UVSSA: variants seen among roughly 807,000 people sequenced by gnomAD.
The protein encoded by UVSSA is UV-stimulated scaffold protein A.
UVSSA carries 72 observed loss-of-function variants against 73.9 expected under a neutral mutation model. The observed-to-expected ratio is 0.97, with a 90% confidence interval of 0.81 to 1.19. UVSSA has a LOEUF of 1.19. Ranked by LOEUF, UVSSA falls within the 50% of genes most tolerant of loss-of-function variation. The pLI is 0.00. For missense variants in UVSSA, 1,150 were observed against 965.0 expected (o/e 1.19, Z -2.54); for synonymous variants, 454 against 391.3 (o/e 1.16, Z -1.89).
intron 5 of UVSSA, 41 bp downstream of exon 5, chr4:1,353,454 C>G: frequency 6.9e-7 from 1 of 1,441,192 alleles, no homozygotes; most frequent in Non-Finnish European, 9.1e-7. Context: ...CACCCTGCCC[C>G]GGCTCCCGGG....
At chr4:1,390,256 TC>T (rs1429329323), downstream of UVSSA, 1 of 152,252 alleles carries the variant, frequency 6.6e-6, no homozygotes, top group Non-Finnish European at 1.5e-5. Flanking sequence ...TTGTTTAATT[TC>T]CACATATATG....
intron 10 of UVSSA, among the ~76,000 whole-genome samples, chr4:1,378,417 G>A (rs1228932298): frequency 6.6e-6 from 1 of 152,246 alleles, no homozygotes; most frequent in Non-Finnish European, 1.5e-5. Context: ...GCCGGGCGTG[G>A]TGGCGTGCGC....
chr4:1,358,576 T>G (rs1224119313), intron 7 of UVSSA: 1 of 152,262 alleles, frequency 6.6e-6, no homozygotes, highest in Non-Finnish European at 1.5e-5. Flanking sequence ...GAGCGATGCT[T>G]CCCAGAATAG....
intron 10 of UVSSA, 111 bp from the exon 11 acceptor site, chr4:1,379,936 G>A (rs1471853889): frequency 7.7e-7 from 1 of 1,301,438 alleles, no homozygotes; most frequent in Non-Finnish European, 1.1e-6. Flanking sequence ...CCACAGTGTT[G>A]GGGTGGCTGG....
At chr4:1,381,542 C>T (rs1005135793) in intron 12 of UVSSA, among the ~76,000 whole-genome samples, 6 of 152,208 alleles carry the variant, frequency 3.9e-5, no homozygotes, top group African/African-American at 1.4e-4. Context: ...ATCTGCCCAC[C>T]CTGTCTCACC....
intron 3 of UVSSA, among the ~76,000 whole-genome samples, chr4:1,351,272 G>C (rs1714690306): frequency 6.6e-6 from 1 of 151,928 alleles, no homozygotes; most frequent in Non-Finnish European, 1.5e-5. Context: ...CACCGTGTTA[G>C]CCAGGATGGT....
At chr4:1,377,094 C>G (rs1577364809) in intron 10 of UVSSA, among the ~76,000 whole-genome samples, 1 of 152,180 alleles carries the variant, frequency 6.6e-6, no homozygotes, top group East Asian at 1.9e-4. Context: ...GCGGGAGCGT[C>G]TCATCCGTGT....
chr4:1,343,099 T>A (rs1577258488), upstream of UVSSA, among the ~76,000 whole-genome samples: 1 of 152,160 alleles, frequency 6.6e-6, no homozygotes, highest in Non-Finnish European at 1.5e-5. Context: ...ATTAGTTTGC[T>A]CGGCTGCCGT....
upstream of UVSSA, chr4:1,347,204 G>T (rs1257999514): frequency 6.6e-6 from 1 of 152,258 alleles, no homozygotes; most frequent in Non-Finnish European, 1.5e-5. Context: ...GGAAGGGGCG[G>T]GGCGAGGCGA....
intron 8 of UVSSA, among the ~76,000 whole-genome samples, chr4:1,372,800 C>T (rs1204089950): frequency 2.7e-5 from 2 of 73,768 alleles, no homozygotes; most frequent in African/African-American, 4.6e-5. Flanking sequence ...TCCCTGCACT[C>T]ACCTCCCGCG....
chr4:1,380,904 C>T lies in UVSSA; in HGVS notation c.1777C>T (p.Pro593Ser), dbSNP rs747723625. ...LKCPFHGKIV[P>S]RDDEGRPLDP... ...GTGCCCTTTCCATGGGAAGATTGTT[C>T]CACGGGACGACGAAGGACGGCCGCT... Residue 593 changes from proline to serine, a missense_variant, in exon 12 of 14, where the codon CCA (proline) becomes TCA (serine). Physicochemically the swap from Pro to Ser is moderately conservative, Grantham distance 74 (BLOSUM62 -1). Transcript: ENST00000389851. The T allele has an allele frequency of 3.1e-6, 5 of 1,613,026 alleles. No individual in the cohort carries two copies. The highest frequency in any genetic ancestry group is 2.2e-5 in the East Asian group (1 of 44,864).
At chr4:1,346,120 G>A (rs1454999220), upstream of UVSSA, among the ~76,000 whole-genome samples, 2 of 152,228 alleles carry the variant, frequency 1.3e-5, no homozygotes, top group Non-Finnish European at 2.9e-5. Flanking sequence ...GCAGAGAGGG[G>A]CGGCGCAGGG....
Position 1,395,702 on chromosome 4 carries a change from A to G in UVSSA, c.*9741A>G, listed in dbSNP as rs1333636780. On this transcript the variant is annotated 3_prime_UTR_variant, in exon 14 of 14. Transcript: ENST00000511216. ...GCCCATGTGGAGTGCCCGCCTGCTC[A>G]CACAAAGCCCTGGCATGGTGGTTCT... The G allele has an allele frequency of 6.2e-6, 10 of 1,614,072 alleles. No homozygotes were observed. The African/African-American group carries it at 9.3e-5, about 15-fold the overall frequency.
chr4:1,366,468 G>T lies in UVSSA; in HGVS notation c.1288+37G>T, dbSNP rs776632487. 7 of 1,524,806 alleles carry T rather than the reference G, an allele frequency of 4.6e-6. No homozygotes were observed. The South Asian group carries it at 7.2e-5, about 16-fold the overall frequency. 94.5% of individuals were successfully genotyped at this position (1,524,806 alleles called of 1,614,324 possible). On this transcript the variant is annotated intron_variant, in intron 8 of 13. Transcript: ENST00000389851. ...GTCCCGTGGGGGGGGCACCTGGGTG[G>T]AGGGTCCCCCACTCAGGATGTGGCC...
chr4:1,375,098 C>G, intron 8 of UVSSA: 1 of 510,700 alleles, frequency 2.0e-6, no homozygotes, highest in Admixed American at 3.5e-5. Flanking sequence ...TTCTGCAAAG[C>G]CCGGCAGCAC....
chr4:1,368,203 C>T (rs1281949529), intron 8 of UVSSA, among the ~76,000 whole-genome samples: 1 of 152,270 alleles, frequency 6.6e-6, no homozygotes, highest in African/African-American at 2.4e-5. Context: ...TGGCACTGAC[C>T]CTTGGCCTGT....
rs543158930 is a variant in UVSSA, at chr4:1,380,922, C to T, written c.1795C>T (p.Arg599Trp). The T allele has an allele frequency of 5.7e-5, 92 of 1,613,062 alleles. No homozygotes were observed. The highest frequency in any genetic ancestry group is 4.9e-4 in the Middle Eastern group (3 of 6,062). ...GKIVPRDDEG[R>W]PLDPEDRARE... ...GATTGTTCCACGGGACGACGAAGGACGGCCGCTCGACCCGGAAGACAGGGC... is the reference window on the plus strand; with the variant it reads ...GATTGTTCCACGGGACGACGAAGGATGGCCGCTCGACCCGGAAGACAGGGC... The change falls in exon 12 of 14, where the codon CGG becomes TGG. Residue 599 changes from arginine (R) to tryptophan (W), a missense_variant. By Grantham distance (101) the Arg-to-Trp change is moderately radical. Transcript: ENST00000389851.
rs370222193 is a variant in UVSSA at position 1,395,736 on chromosome 4, C to T, written c.*9775C>T. ...CCTGGCATGGTGGTTCTGTAGGTTT[C>T]CTGTCCTGCCGGCCGAGTCAGACGC... On this transcript the variant is annotated 3_prime_UTR_variant, in exon 14 of 14. Transcript: ENST00000511216. 5 of 1,614,136 alleles carry T rather than the reference C, an allele frequency of 3.1e-6. No homozygotes were observed. The Admixed American group carries it at 5.0e-5, about 16-fold the overall frequency.
Position 1,347,515 on chromosome 4 carries a change from C to G in UVSSA, c.-248C>G, listed in dbSNP as rs1713881430. On this transcript the variant is annotated 5_prime_UTR_variant, in exon 1 of 14. Coordinates refer to ENST00000389851, the MANE Select transcript of UVSSA (RefSeq NM_020894.4). ...CCTTCTTTCCCCGAGTAGGGCGCAG[C>G]TTCCCAGCCTCCGCCCCGGCCTCGC... is the stretch of plus-strand genomic sequence containing the variant. 6.6e-6 allele frequency: 1 copy of G among 152,516 alleles called. No individual in the cohort carries two copies. Among genetic ancestry groups the G allele is most frequent in the Non-Finnish European group, 1.5e-5 (1 of 68,192 alleles). The allele number at this position is 152,516 out of a possible 1,614,324, so 9.4% of individuals were successfully genotyped here. A position where few individuals can be genotyped will look rare whatever the true frequency, so the allele number is the denominator to read the frequency against.
Sources: allele counts gnomAD v4.1 joint callset (sites outside exome capture counted in the v4.1 genomes callset), GRCh38; gene constraint gnomAD v4.1.1; transcripts MANE v1.5; gene names NCBI Gene and HGNC (gene_info 2026-07-23, HGNC 2026-07-21).